PRELID2: variants seen among roughly 807,000 people sequenced by gnomAD.
PRELID2 encodes PRELI domain-containing protein 2.
In PRELID2, 25 loss-of-function variants were observed where a neutral mutation model predicts 28.4. That is an observed-to-expected ratio of 0.88 (90% confidence interval 0.64 to 1.23). The LOEUF (loss-of-function observed/expected upper bound fraction) is 1.23. Among genes scored for constraint, PRELID2 ranks in the 50% most tolerant of loss-of-function variants. The pLI is 0.00. For synonymous variants in PRELID2, 76 were observed against 71.6 expected (o/e 1.06, Z -0.31); for missense variants, 201 against 214.4 (o/e 0.94, Z 0.39).
At chr5:145,375,882 C>T in the PRELID2 span, among the ~76,000 whole-genome samples, 1 of 152,208 alleles carries the variant, frequency 6.6e-6, no homozygotes, top group South Asian at 2.1e-4. Context: ...CCTTCCCCAA[C>T]CCAGAGAGCT....
the PRELID2 span, among the ~76,000 whole-genome samples, chr5:145,403,833 T>G: frequency 1.3e-5 from 2 of 152,168 alleles, no homozygotes; most frequent in Non-Finnish European, 2.9e-5. Flanking sequence ...AAAATCTATA[T>G]GTAATATAGT....
the PRELID2 span, among the ~76,000 whole-genome samples, chr5:145,285,277 T>G: frequency 6.6e-6 from 1 of 152,286 alleles, no homozygotes; most frequent in African/African-American, 2.4e-5. Context: ...GGGACTATAA[T>G]GTTGGGAGTT....
rs114052330 is a variant in PRELID2, at chr5:145,736,650, C to T, written n.70+28281G>A. 6.2e-3 allele frequency among the ~76,000 whole-genome samples: 946 copies of T among 151,954 alleles called. 13 individuals carry two copies. Among genetic ancestry groups the T allele is most frequent in the African/African-American group, 0.021 (870 of 41,406 alleles). Reference sequence around the variant, plus strand: ...CTTCTGAGCAAAATATTTGTTAAACCCTGTAAAGGGACAGAGGGCAGCAGA... The same window carrying T: ...CTTCTGAGCAAAATATTTGTTAAACTCTGTAAAGGGACAGAGGGCAGCAGA... On this transcript the variant is annotated intron_variant and non_coding_transcript_variant, in intron 1 of 2. Coordinates refer to the PRELID2 transcript ENST00000510259.
At chr5:145,404,749 G>A in the PRELID2 span, among the ~76,000 whole-genome samples, 491 of 152,320 alleles carry the variant, frequency 3.2e-3, 4 homozygotes, top group African/African-American at 0.011. Flanking sequence ...CACACAAATT[G>A]TGGTTTTGAC....
chr5:145,734,975 A>G (rs1756452968), intron 1 of PRELID2, among the ~76,000 whole-genome samples: 3 of 152,196 alleles, frequency 2.0e-5, no homozygotes, highest in Admixed American at 1.3e-4. Flanking sequence ...AGCTGGGCGC[A>G]GTGGCTCATG....
chr5:145,280,999 C>T, the PRELID2 span, among the ~76,000 whole-genome samples: 3 of 152,124 alleles, frequency 2.0e-5, no homozygotes, highest in South Asian at 2.1e-4. Context: ...TATCTAGATG[C>T]TCAAATGTTG....
the PRELID2 span, among the ~76,000 whole-genome samples, chr5:145,235,812 T>C: frequency 1.3e-5 from 2 of 151,922 alleles, no homozygotes. Flanking sequence ...AAAGAAAACA[T>C]AGTATGTTCC....
chr5:145,752,926 T>A (rs1343024596), downstream of PRELID2, among the ~76,000 whole-genome samples: 2 of 152,124 alleles, frequency 1.3e-5, no homozygotes, highest in African/African-American at 4.8e-5. Flanking sequence ...GCCCAGAAAA[T>A]AATTTCCCTA....
chr5:145,605,543 TG>T (rs2149641144), intron 1 of PRELID2, among the ~76,000 whole-genome samples: 1 of 152,278 alleles, frequency 6.6e-6, no homozygotes, highest in South Asian at 2.1e-4. Flanking sequence ...TGTCTGTTTT[TG>T]TAGCAGTAGC....
chr5:145,288,845 T>C, the PRELID2 span, among the ~76,000 whole-genome samples: 1 of 152,124 alleles, frequency 6.6e-6, no homozygotes, highest in South Asian at 2.1e-4. Context: ...ACTCTAACAA[T>C]GAGAAACCTG....
At chr5:145,327,539 A>G in the PRELID2 span, among the ~76,000 whole-genome samples, 1 of 152,118 alleles carries the variant, frequency 6.6e-6, no homozygotes, top group Admixed American at 6.6e-5. Flanking sequence ...TAGGAAGCAT[A>G]TTACTGGATC....
chr5:145,520,132 G>A (rs1267580615), intron 1 of PRELID2, among the ~76,000 whole-genome samples: 2 of 152,076 alleles, frequency 1.3e-5, no homozygotes, highest in Admixed American at 6.5e-5. Context: ...AAAAAATTCT[G>A]TAAAGGAACA....
At chr5:145,680,401 T>C (rs1754909166) in intron 1 of PRELID2, among the ~76,000 whole-genome samples, 1 of 152,192 alleles carries the variant, frequency 6.6e-6, no homozygotes, top group African/African-American at 2.4e-5. Context: ...CTCTACTACC[T>C]GATCCCTGCC....
chr5:145,665,847 T>C (rs1366695750), intron 1 of PRELID2, among the ~76,000 whole-genome samples: 1 of 152,126 alleles, frequency 6.6e-6, no homozygotes, highest in African/African-American at 2.4e-5. Flanking sequence ...CTCTCCATCC[T>C]GGATGCCAGG....
chr5:145,717,772 C>T (rs1299775650), intron 1 of PRELID2, among the ~76,000 whole-genome samples: 1 of 150,796 alleles, frequency 6.6e-6, no homozygotes, highest in African/African-American at 2.4e-5. Context: ...AAAATGGGCC[C>T]TAATATTTAA....
intron 4 of PRELID2, among the ~76,000 whole-genome samples, chr5:145,811,240 C>T (rs970446389): frequency 1.1e-4 from 16 of 151,966 alleles, no homozygotes; most frequent in African/African-American, 3.6e-4. Flanking sequence ...GGGTCCTTCC[C>T]ATGACATATG....
At chr5:145,528,810 GT>G (rs1468525274) in intron 1 of PRELID2, among the ~76,000 whole-genome samples, 1 of 151,312 alleles carries the variant, frequency 6.6e-6, no homozygotes, top group Non-Finnish European at 1.5e-5. Flanking sequence ...ATTTCCCCAG[GT>G]CTTTTCAAAA....
chr5:145,282,339 A>T, the PRELID2 span, among the ~76,000 whole-genome samples: 317 of 152,252 alleles, frequency 2.1e-3, 8 homozygotes, highest in East Asian at 0.053. Context: ...TAGAATGAAT[A>T]TGTAGCTACT....
At chr5:145,367,506 G>A in the PRELID2 span, among the ~76,000 whole-genome samples, 1 of 151,796 alleles carries the variant, frequency 6.6e-6, no homozygotes, top group East Asian at 1.9e-4. Flanking sequence ...TCTTGGTGTC[G>A]TACATTCTAT....
Sources: gnomAD v4.1 joint callset for allele counts (sites outside exome capture counted in the v4.1 genomes callset) on GRCh38, gnomAD v4.1.1 for gene constraint, MANE v1.5 for transcripts, NCBI Gene and HGNC (gene_info 2026-07-23, HGNC 2026-07-21) for gene names.